Variants in CDH26 observed in about 807,000 individuals in gnomAD.
The protein encoded by CDH26 is cadherin-like protein 26.
CDH26 carries 83 observed loss-of-function variants against 90.3 expected under a neutral mutation model. The ratio of observed to expected loss-of-function variants is 0.92; its 90% CI spans 0.77 to 1.10. CDH26 has a LOEUF of 1.10. CDH26 is among the 50% of genes least tolerant of loss of function. The pLI is 0.00. For synonymous variants in CDH26, 397 were observed against 396.3 expected (o/e 1.00, Z -0.02); for missense variants, 1,013 against 1,037.6 (o/e 0.98, Z 0.33).
At chr20:60,022,824 C>T (rs1162760479) in intron 7 of CDH26, among the ~76,000 whole-genome samples, 2 of 151,678 alleles carry the variant, frequency 1.3e-5, no homozygotes. Flanking sequence ...TTCACTGTTC[C>T]CAACACAAGC....
At chr20:60,016,043 GT>G (rs1213348051), downstream of CDH26, among the ~76,000 whole-genome samples, 3 of 152,190 alleles carry the variant, frequency 2.0e-5, no homozygotes, top group Non-Finnish European at 2.9e-5. Flanking sequence ...ATATTTTGAA[GT>G]CTGATAGTGT....
intron 13 of CDH26, 75 bp downstream of exon 13, chr20:59,996,836 C>A (rs2145999379): frequency 1.9e-6 from 3 of 1,567,520 alleles, no homozygotes; most frequent in South Asian, 1.2e-5. Flanking sequence ...GTATTTTTCC[C>A]CCCATTGTGC....
At chr20:59,970,607 G>A (rs1025834591) in intron 3 of CDH26, among the ~76,000 whole-genome samples, 3 of 151,514 alleles carry the variant, frequency 2.0e-5, no homozygotes, top group Admixed American at 6.6e-5. Context: ...TCAGGAGATC[G>A]AGCCCATCCT....
intron 17 of CDH26, among the ~76,000 whole-genome samples, chr20:60,009,543 C>T (rs146520498): frequency 9.9e-5 from 15 of 152,270 alleles, no homozygotes; most frequent in South Asian, 2.1e-4. Flanking sequence ...GTTCCAGCCG[C>T]GGGCCCCCCT....
intron 10 of CDH26, 71 bp from the exon 11 acceptor site, chr20:59,994,171 TGAGAGACG>T: frequency 6.4e-7 from 1 of 1,555,442 alleles, no homozygotes; most frequent in Admixed American, 1.9e-5. Context: ...ATTTTTTTTC[TGAGAGACG>T]GAGAGTGCTC....
Position 59,982,940 on chromosome 20 carries a change from G to A in CDH26, c.411G>A (p.Val137=), listed in dbSNP as rs1157772669. Residue 137 remains valine, a synonymous_variant, in exon 5 of 18, where the codon GTG becomes GTA. Coordinates refer to ENST00000348616, the MANE Select transcript of CDH26 (RefSeq NM_177980.4). ...TPSFTVYFDV[V]ERSTGKIVDT... is the part of the protein sequence containing the mutation. ...CTTCCTAGGTTTATTTTGATGTTGT[G>A]GAGCGCTCAACAGGAAAAATTGTGG... 1 of 1,613,732 alleles carries A rather than the reference G, an allele frequency of 6.2e-7. No individual in the cohort carries two copies. The highest frequency in any genetic ancestry group is 1.7e-5 in the Admixed American group (1 of 59,954).
At chr20:60,010,544 A>G (rs945355627) in intron 17 of CDH26, among the ~76,000 whole-genome samples, 19 of 152,182 alleles carry the variant, frequency 1.2e-4, no homozygotes, top group Non-Finnish European at 5.9e-5. Flanking sequence ...CTCAGGCCAG[A>G]AAAGTCTTCA....
At chr20:59,998,856 C>A (rs1275789935) in intron 13 of CDH26, among the ~76,000 whole-genome samples, 1 of 152,168 alleles carries the variant, frequency 6.6e-6, no homozygotes, top group Non-Finnish European at 1.5e-5. Flanking sequence ...CCAATATTAG[C>A]ATTATTAGCA....
At chr20:59,986,615 C>CGACA (rs2061461540) in intron 7 of CDH26, among the ~76,000 whole-genome samples, 1 of 99,776 alleles carries the variant, frequency 1.0e-5, no homozygotes. Flanking sequence ...ATAAATCCCC[C>CGACA]TACACACACA....
chr20:60,001,707 C>G, intron 15 of CDH26: 1 of 751,640 alleles, frequency 1.3e-6, no homozygotes, highest in Non-Finnish European at 1.6e-6. Context: ...CTAAGGGCAC[C>G]AGAGATCATC....
intron 4 of CDH26, among the ~76,000 whole-genome samples, chr20:59,979,424 C>G (rs2061366931): frequency 6.6e-6 from 1 of 151,786 alleles, no homozygotes; most frequent in Admixed American, 6.6e-5. Flanking sequence ...GCCTTGACCT[C>G]CTGGCCTTGT....
intron 7 of CDH26, chr20:59,985,902 G>A (rs2061452787): frequency 6.6e-6 from 1 of 152,202 alleles, no homozygotes; most frequent in African/African-American, 2.4e-5. Context: ...GGGAAGACAG[G>A]GAATTCCTGT....
chr20:60,012,876 A>C lies in CDH26; in HGVS notation c.*146A>C, dbSNP rs2061866720. ...TGAGGACACACTATTAGTTTGAATT[A>C]AATGCTTTGATATTCTCAGATCAGC... On this transcript the variant is annotated 3_prime_UTR_variant, in exon 18 of 18. Transcript: ENST00000348616. The C allele has an allele frequency of 1.5e-6, 1 of 680,370 alleles. No individual in the cohort carries two copies. The highest frequency in any genetic ancestry group is 2.4e-6 in the Non-Finnish European group (1 of 416,314). The allele number at this position is 680,370 out of a possible 1,614,324, so 42.1% of individuals were successfully genotyped here.
downstream of CDH26, among the ~76,000 whole-genome samples, chr20:60,018,902 T>G (rs1461135463): frequency 6.6e-6 from 1 of 151,984 alleles, no homozygotes; most frequent in Non-Finnish European, 1.5e-5. Context: ...AAGATCAGAA[T>G]AGTTGTGATG....
At chr20:59,987,769 G>A (rs947539470) in intron 8 of CDH26, 131 bp downstream of exon 8, 40 of 685,398 alleles carry the variant, frequency 5.8e-5, no homozygotes, top group Non-Finnish European at 7.6e-5. Flanking sequence ...CGTACCACAC[G>A]TCACCAGGCA....
intron 4 of CDH26, among the ~76,000 whole-genome samples, chr20:59,977,844 C>T (rs938522392): frequency 3.9e-5 from 6 of 152,134 alleles, no homozygotes; most frequent in Non-Finnish European, 5.9e-5. Context: ...TTATGGGTTT[C>T]GACAAATGTG....
chr20:60,031,556 A>C lies in CDH26; in HGVS notation c.1143+130A>C, dbSNP rs548727329. On this transcript the variant is annotated intron_variant, in intron 8 of 8. Coordinates refer to the CDH26 transcript ENST00000370991. ...ATTAATTATTTGTAAAAACATCCTC[A>C]GTTTCTTCAGATGAAAGGAGTATGA... 2.5e-5 allele frequency: 24 copies of C among 973,730 alleles called. No homozygotes were observed. In the East Asian group the frequency reaches 2.4e-3, roughly 98 times the overall value. The allele number at this position is 973,730 out of a possible 1,614,324, so 60.3% of individuals were successfully genotyped here. A position where few individuals can be genotyped will look rare whatever the true frequency, so the allele number is the denominator to read the frequency against.
At chr20:59,969,400 C>A (rs2061221673) in intron 2 of CDH26, among the ~76,000 whole-genome samples, 1 of 152,150 alleles carries the variant, frequency 6.6e-6, no homozygotes, top group African/African-American at 2.4e-5. Context: ...TGATTATTTA[C>A]TTGGTATTGT....
downstream of CDH26, among the ~76,000 whole-genome samples, chr20:60,019,174 A>G (rs551766100): frequency 1.3e-5 from 2 of 152,150 alleles, no homozygotes; most frequent in Non-Finnish European, 2.9e-5. Flanking sequence ...CAATTTGACT[A>G]TAATGTGACT....
Sources: gnomAD v4.1 joint callset for allele counts (sites outside exome capture counted in the v4.1 genomes callset) on GRCh38, gnomAD v4.1.1 for gene constraint, MANE v1.5 for transcripts, NCBI Gene and HGNC (gene_info 2026-07-23, HGNC 2026-07-21) for gene names.